Variants in WEE1 observed in about 807,000 individuals in gnomAD.
The protein encoded by WEE1 is WEE1 G2 checkpoint kinase, also known as wee1-like protein kinase.
In WEE1, 16 loss-of-function variants were observed where a neutral mutation model predicts 68.8. The ratio of observed to expected loss-of-function variants is 0.23; its 90% CI spans 0.16 to 0.35. WEE1 has a LOEUF of 0.35. WEE1 is among the 10% of genes least tolerant of loss of function. WEE1 has a pLI of 1.00. For synonymous variants in WEE1, 349 were observed against 318.7 expected (o/e 1.09, Z -1.01); for missense variants, 651 against 824.1 (o/e 0.79, Z 2.57).
rs780269087 is a variant in WEE1 at position 9,589,519 on chromosome 11, C to T, written c.*917C>T. On this transcript the variant is annotated 3_prime_UTR_variant, in exon 11 of 11. Transcript: ENST00000450114. Reference sequence around the variant, plus strand: ...ATATTTGTGTATATAAACCGATCTTCGTGATACTGTACATAGCTGTTTGAA... The same window carrying T: ...ATATTTGTGTATATAAACCGATCTTTGTGATACTGTACATAGCTGTTTGAA... 39 of 985,414 alleles carry T rather than the reference C, an allele frequency of 4.0e-5. No homozygotes were observed. Among genetic ancestry groups the T allele is most frequent in the Non-Finnish European group, 4.6e-5 (38 of 829,816 alleles). The allele number at this position is 985,414 out of a possible 1,614,324, so 61.0% of individuals were successfully genotyped here.
chr11:9,585,370 G>A lies in WEE1; in HGVS notation c.1384+17G>A. The A allele has an allele frequency of 6.2e-7, 1 of 1,606,090 alleles. No individual in the cohort carries two copies. The highest frequency in any genetic ancestry group is 8.5e-7 in the Non-Finnish European group (1 of 1,173,598). ...TTAAAATAGGTAAGAAAGGTAATCA[G>A]ATTATTACCTTCAGATAAAGAGAAG... On this transcript the variant is annotated intron_variant, in intron 7 of 10. Coordinates refer to ENST00000450114, the MANE Select transcript of WEE1 (RefSeq NM_003390.4).
In WEE1 at chr11:9,588,792, C is replaced by T. The variant is rs1271906257; in HGVS notation, c.*190C>T. ...TATGTCAGGCTTTCATCTAATCTTA[C>T]CAGTCTGTCTTCTGTAGGATGTGTC... On this transcript the variant is annotated 3_prime_UTR_variant, in exon 11 of 11. Coordinates refer to ENST00000450114, the MANE Select transcript of WEE1 (RefSeq NM_003390.4). 4 of 1,217,722 alleles carry T rather than the reference C, an allele frequency of 3.3e-6. No homozygotes were observed. Among genetic ancestry groups the T allele is most frequent in the Non-Finnish European group, 4.1e-6 (4 of 972,850 alleles). The allele number at this position is 1,217,722 out of a possible 1,614,324, so 75.4% of individuals were successfully genotyped here.
At chr11:9,585,806 A>G (rs763344850) in intron 8 of WEE1, among the ~76,000 whole-genome samples, 4 of 152,228 alleles carry the variant, frequency 2.6e-5, no homozygotes, top group Non-Finnish European at 5.9e-5. Flanking sequence ...ATATTTAAAA[A>G]TCATGTACCC....
At chr11:9,587,563 T>C (rs2134359003) in intron 10 of WEE1, among the ~76,000 whole-genome samples, 1 of 152,334 alleles carries the variant, frequency 6.6e-6, no homozygotes, top group South Asian at 2.1e-4. Context: ...GAGATGATTC[T>C]CATATATATG....
intron 6 of WEE1, among the ~76,000 whole-genome samples, chr11:9,583,941 G>C (rs952141251): frequency 4.7e-5 from 7 of 149,864 alleles, no homozygotes; most frequent in Admixed American, 1.3e-4. Context: ...TGCCTCCTGG[G>C]TTCAAGCGAT....
At chr11:9,586,308 C>T (rs1849699126) in intron 8 of WEE1, 141 bp from the exon 9 acceptor site, 1 of 683,724 alleles carries the variant, frequency 1.5e-6, no homozygotes, top group Admixed American at 3.1e-5. Flanking sequence ...GCAGTTTATT[C>T]TCTGAATAGG....
chr11:9,573,733 C>A lies in WEE1; in HGVS notation c.-201C>A. ...CCTCGGTGCTCGGGCCGCCCCGCCT[C>A]TGCCGGAAAGTCCGCGCCGCCGCTG... On this transcript the variant is annotated 5_prime_UTR_variant, in exon 1 of 11. The change creates a new upstream start codon in the 5' untranslated region. Transcript: ENST00000450114. 8.8e-6 allele frequency: 2 copies of A among 228,254 alleles called. No homozygotes were observed. Among genetic ancestry groups the A allele is most frequent in the Non-Finnish European group, 1.6e-5 (2 of 126,326 alleles). 14.1% of individuals were successfully genotyped at this position (228,254 alleles called of 1,614,324 possible).
chr11:9,574,216 C>T lies in WEE1; in HGVS notation c.283C>T (p.Leu95=). 1 of 1,182,684 alleles carries T rather than the reference C, an allele frequency of 8.5e-7. No homozygotes were observed. Among genetic ancestry groups the T allele is most frequent in the South Asian group, 4.1e-5 (1 of 24,274 alleles). 73.3% of individuals were successfully genotyped at this position (1,182,684 alleles called of 1,614,324 possible). A position where few individuals can be genotyped will look rare whatever the true frequency, so the allele number is the denominator to read the frequency against. The part of the protein sequence containing the change: ...SPGELEEDLL[L]PGACPGADEA... ...CGGCGAGCTGGAGGAGGACCTGTTG[C>T]TGCCCGGCGCCTGCCCGGGCGCGGA... Residue 95 remains leucine, a synonymous_variant, in exon 1 of 11, where the codon CTG becomes TTG. Transcript: ENST00000450114. This position sits in a 1 kb window ranked among gnomAD's most constrained non-coding sequence, Gnocchi z 4.9.
In WEE1 at chr11:9,573,818, C is replaced by T; in HGVS notation, c.-116C>T. 1.1e-6 allele frequency: 1 copy of T among 895,810 alleles called. No homozygotes were observed. Among genetic ancestry groups the T allele is most frequent in the Non-Finnish European group, 1.4e-6 (1 of 702,826 alleles). 55.5% of individuals were successfully genotyped at this position (895,810 alleles called of 1,614,324 possible). A position where few individuals can be genotyped will look rare whatever the true frequency, so the allele number is the denominator to read the frequency against. ...GCAGGCCGCCGCCGCGCAGAGACGC[C>T]GCGGCTGCGACTAGGCGCGCCCAGC... On this transcript the variant is annotated 5_prime_UTR_variant, in exon 1 of 11. Transcript: ENST00000450114.
chr11:9,574,677 C>G lies in WEE1; in HGVS notation c.576+168C>G. ...TGTTTGGCCCTGCCCCGAGGTTGTC[C>G]GTTGAGATTATGTAACTGAACAATG... is the stretch of plus-strand genomic sequence containing the variant. On this transcript the variant is annotated intron_variant, in intron 1 of 10. Coordinates refer to ENST00000450114, the MANE Select transcript of WEE1 (RefSeq NM_003390.4). The surrounding 1 kb of genome is among the most constrained non-coding windows in gnomAD (Gnocchi z 4.9). 7 of 1,094,790 alleles carry G rather than the reference C, an allele frequency of 6.4e-6. No homozygotes were observed. The highest frequency in any genetic ancestry group is 6.7e-6 in the Non-Finnish European group (6 of 901,624). 67.8% of individuals were successfully genotyped at this position (1,094,790 alleles called of 1,614,324 possible). A position where few individuals can be genotyped will look rare whatever the true frequency, so the allele number is the denominator to read the frequency against.
At position 9,576,388 on chromosome 11, in the gene WEE1, G is replaced by T; in HGVS notation, c.846+95G>T. ...TTAATAAGCATTAACACATAAGGTA[G>T]AATGGTTTTTAAATTTCACACATAG... is the stretch of plus-strand genomic sequence containing the variant. On this transcript the variant is annotated intron_variant, in intron 3 of 10. Coordinates refer to ENST00000450114, the MANE Select transcript of WEE1 (RefSeq NM_003390.4). This position sits in a 1 kb window ranked among gnomAD's most constrained non-coding sequence, Gnocchi z 4.3. 2 of 1,549,266 alleles carry T rather than the reference G, an allele frequency of 1.3e-6. No individual in the cohort carries two copies. Among genetic ancestry groups the T allele is most frequent in the South Asian group, 1.2e-5 (1 of 83,008 alleles).
rs1849565984 is a variant in WEE1, at chr11:9,576,411, T to A, written c.847-76T>A. ...TAGAATGGTTTTTAAATTTCACACATAGCCCTATCACCATAGCAAGAAATA... is the reference window on the plus strand; with the variant it reads ...TAGAATGGTTTTTAAATTTCACACAAAGCCCTATCACCATAGCAAGAAATA... On this transcript the variant is annotated intron_variant, in intron 3 of 10. Coordinates refer to ENST00000450114, the MANE Select transcript of WEE1 (RefSeq NM_003390.4). The surrounding 1 kb of genome is among the most constrained non-coding windows in gnomAD (Gnocchi z 4.3). The A allele has an allele frequency of 6.4e-6, 10 of 1,566,818 alleles. No individual in the cohort carries two copies. In the Admixed American group the frequency reaches 7.4e-5, roughly 12 times the overall value.
At position 9,574,717 on chromosome 11, in the gene WEE1, C is replaced by G. The variant is rs966353734; in HGVS notation, c.576+208C>G. On this transcript the variant is annotated intron_variant, in intron 1 of 10. Coordinates refer to ENST00000450114, the MANE Select transcript of WEE1 (RefSeq NM_003390.4). The surrounding 1 kb of genome is among the most constrained non-coding windows in gnomAD (Gnocchi z 4.9). ...ACTGAACAATGGGCCTCGTCTGGAA[C>G]TTCATCTTACAAAGGGGCCGATCGG... 1.9e-6 allele frequency: 2 copies of G among 1,065,146 alleles called. No homozygotes were observed. The highest frequency in any genetic ancestry group is 3.4e-5 in the African/African-American group (2 of 59,192). 66.0% of individuals were successfully genotyped at this position (1,065,146 alleles called of 1,614,324 possible).
intron 5 of WEE1, chr11:9,577,983 C>T (rs572208353): frequency 3.4e-5 from 15 of 443,336 alleles, no homozygotes; most frequent in African/African-American, 1.6e-4. Context: ...TTCTTATGGA[C>T]GTCTGTCATT....
chr11:9,584,079 C>T (rs1366998547), intron 6 of WEE1, among the ~76,000 whole-genome samples: 1 of 151,638 alleles, frequency 6.6e-6, no homozygotes, highest in Admixed American at 6.6e-5. Context: ...CTTCTGACCT[C>T]AAGTGATCCG....
chr11:9,582,194 G>A (rs1465579230), intron 6 of WEE1, among the ~76,000 whole-genome samples: 1 of 152,148 alleles, frequency 6.6e-6, no homozygotes, highest in Non-Finnish European at 1.5e-5. Flanking sequence ...TAGTTGATTT[G>A]TTCAAATTAG....
In WEE1 at chr11:9,586,613, G is replaced by T. The variant is rs1294063903; in HGVS notation, c.1635G>T (p.Leu545Phe). Residue 545 changes from leucine to phenylalanine, a missense_variant, in exon 9 of 11, where the codon TTG becomes TTT. By Grantham distance (22) the Leu-to-Phe change is conservative. This residue lies in a region of WEE1 where 115 missense variants were observed against 142.7 expected (regional missense o/e 0.81). Coordinates refer to ENST00000450114, the MANE Select transcript of WEE1 (RefSeq NM_003390.4). The stretch of plus-strand genomic sequence containing the variant: ...TGCTTTCCCAAGAATTTACAGAGTT[G>T]CTAAAAGTGAGCATTTTATATATGA... ...PQVLSQEFTELLKVMIHPDPE... is the reference protein window; with the variant it reads ...PQVLSQEFTEFLKVMIHPDPE... 1.2e-6 allele frequency: 2 copies of T among 1,614,024 alleles called. No individual in the cohort carries two copies. The highest frequency in any genetic ancestry group is 2.2e-5 in the South Asian group (2 of 91,076).
rs1049624342 is a variant in WEE1 at position 9,576,425 on chromosome 11, T to C, written c.847-62T>C. On this transcript the variant is annotated intron_variant, in intron 3 of 10. Transcript: ENST00000450114. This position sits in a 1 kb window ranked among gnomAD's most constrained non-coding sequence, Gnocchi z 4.3. ...AATTTCACACATAGCCCTATCACCA[T>C]AGCAAGAAATAACTGTTTTCGTATA... is the stretch of plus-strand genomic sequence containing the variant. 3.8e-6 allele frequency: 6 copies of C among 1,577,632 alleles called. No individual in the cohort carries two copies. The African/African-American group carries it at 5.5e-5, about 14-fold the overall frequency.
Position 9,586,371 on chromosome 11 carries a change from T to G in WEE1, c.1471-78T>G, listed in dbSNP as rs1173910987. The G allele has an allele frequency of 7.4e-6, 10 of 1,353,284 alleles. No homozygotes were observed. The Admixed American group carries it at 2.2e-4, about 30-fold the overall frequency. 83.8% of individuals were successfully genotyped at this position (1,353,284 alleles called of 1,614,324 possible). A position where few individuals can be genotyped will look rare whatever the true frequency, so the allele number is the denominator to read the frequency against. On this transcript the variant is annotated intron_variant, in intron 8 of 10. Transcript: ENST00000450114. The stretch of plus-strand genomic sequence containing the variant: ...CTTTGATTAAGTCCTATTTTTCACC[T>G]AAGTCATCTTTGAGGTGTAATCTTG...
Sources: gnomAD v4.1 joint callset for allele counts (sites outside exome capture counted in the v4.1 genomes callset) on GRCh38, gnomAD v4.1.1 for gene constraint, gnomAD v4.1.1 regional missense constraint, Gnocchi (gnomAD v3.1) non-coding constraint, MANE v1.5 for transcripts, NCBI Gene and HGNC (gene_info 2026-07-23, HGNC 2026-07-21) for gene names.